The following PSAT1 variants were observed in gnomAD, a reference collection of about 807,000 sequenced individuals.
The protein encoded by PSAT1 is phosphoserine aminotransferase.
Under a neutral mutation model 40.3 loss-of-function variants are expected in PSAT1, and 41 were observed. The observed-to-expected ratio is 1.02, with a 90% CI of 0.79 to 1.32. PSAT1 has a LOEUF of 1.32. Among genes scored for constraint, PSAT1 ranks in the 40% most tolerant of loss-of-function variants. PSAT1 has a pLI of 0.00. For synonymous variants in PSAT1, 147 were observed against 170.5 expected (o/e 0.86, Z 1.07); for missense variants, 406 against 455.8 (o/e 0.89, Z 0.99).
chr9:78,326,186 A>G (rs17064350), intron 7 of PSAT1, among the ~76,000 whole-genome samples: 3,466 of 152,232 alleles, frequency 0.023, 132 homozygotes, highest in African/African-American at 0.078. Context: ...CAAGAATTAC[A>G]GATGTGCCCT....
At chr9:78,328,443 A>G (rs573308331) in intron 8 of PSAT1, among the ~76,000 whole-genome samples, 1 of 152,212 alleles carries the variant, frequency 6.6e-6, no homozygotes, top group Admixed American at 6.5e-5. Flanking sequence ...AATCTCTTAC[A>G]CTGCTCGTAT....
intron 7 of PSAT1, among the ~76,000 whole-genome samples, chr9:78,327,027 C>T (rs1034323812): frequency 7.0e-6 from 1 of 141,942 alleles, no homozygotes; most frequent in Non-Finnish European, 1.5e-5. Context: ...ACAATCTTGG[C>T]TCACTGCAAT....
intron 7 of PSAT1, among the ~76,000 whole-genome samples, chr9:78,318,946 T>C (rs1828389334): frequency 6.6e-6 from 1 of 152,150 alleles, no homozygotes; most frequent in Non-Finnish European, 1.5e-5. Context: ...CTTTTCCCTT[T>C]CCCTTAAGGT....
intron 3 of PSAT1, among the ~76,000 whole-genome samples, chr9:78,303,118 A>G (rs1828132403): frequency 6.6e-6 from 1 of 152,202 alleles, no homozygotes; most frequent in Non-Finnish European, 1.5e-5. Context: ...CCCACTAATC[A>G]GGGATAATCA....
chr9:78,297,391 T>C, intron 1 of PSAT1, 121 bp downstream of exon 1: 1 of 1,182,934 alleles, frequency 8.5e-7, no homozygotes, highest in Non-Finnish European at 1.2e-6. Context: ...CCCTAGGCGC[T>C]TTGCATCAGC....
At chr9:78,326,434 C>T (rs531763244) in intron 7 of PSAT1, among the ~76,000 whole-genome samples, 7 of 151,998 alleles carry the variant, frequency 4.6e-5, no homozygotes, top group South Asian at 2.1e-4. Context: ...AAGTCAAACA[C>T]GAACCTTTCC....
At chr9:78,306,625 G>A in intron 5 of PSAT1, 139 bp downstream of exon 5, 1 of 1,080,878 alleles carries the variant, frequency 9.3e-7, no homozygotes, top group Non-Finnish European at 1.4e-6. Context: ...CCAGTGAGCA[G>A]GCTGCCAGGT....
At position 78,329,750 on chromosome 9, in the gene PSAT1, A is replaced by G. The variant is rs41277903; in HGVS notation, c.*664A>G. 1,077 of 152,456 alleles carry G rather than the reference A, an allele frequency of 7.1e-3. 10 individuals carry two copies. Among genetic ancestry groups the G allele is most frequent in the Non-Finnish European group, 0.012 (836 of 68,132 alleles). The allele number at this position is 152,456 out of a possible 1,614,324, so 9.4% of individuals were successfully genotyped here. ...ACTTTTAGAATTTATTAAATCCTTG[A>G]CCTTGTGCATTATAGCATTCCATTA... On this transcript the variant is annotated 3_prime_UTR_variant, in exon 9 of 9. Transcript: ENST00000376588.
rs377546355 is a variant in PSAT1, at chr9:78,329,105, A to G, written c.*19A>G. 6.5e-7 allele frequency: 1 copy of G among 1,532,016 alleles called. No individual in the cohort carries two copies. The highest frequency in any genetic ancestry group is 1.4e-5 in the African/African-American group (1 of 73,172). 94.9% of individuals were successfully genotyped at this position (1,532,016 alleles called of 1,614,324 possible). On this transcript the variant is annotated 3_prime_UTR_variant, in exon 9 of 9. Coordinates refer to ENST00000376588, the MANE Select transcript of PSAT1 (RefSeq NM_058179.4). ...GCTATGAACACATCCTAACCAGGAT[A>G]TACTCTGTTCTTGAACAACATACAA...
At chr9:78,298,888 T>C (rs974516064) in intron 1 of PSAT1, among the ~76,000 whole-genome samples, 3 of 152,074 alleles carry the variant, frequency 2.0e-5, no homozygotes, top group African/African-American at 7.2e-5. Context: ...GTAACAAAAA[T>C]AAATGCCTTA....
intron 6 of PSAT1, among the ~76,000 whole-genome samples, chr9:78,310,787 T>C (rs12342174): frequency 0.14 from 20,606 of 151,978 alleles, 1,858 homozygotes; most frequent in East Asian, 0.43. Context: ...TTCGTATTTT[T>C]AGTAGAGACG....
intron 4 of PSAT1, 101 bp from the exon 5 acceptor site, chr9:78,306,213 C>T: frequency 7.7e-7 from 1 of 1,292,062 alleles, no homozygotes; most frequent in Non-Finnish European, 1.1e-6. Flanking sequence ...GTTAGTCTTT[C>T]CCTGCTAGGG....
intron 8 of PSAT1, among the ~76,000 whole-genome samples, chr9:78,328,637 G>A (rs1028989902): frequency 6.6e-6 from 1 of 151,728 alleles, no homozygotes; most frequent in Non-Finnish European, 1.5e-5. Context: ...GCCCAGCCCC[G>A]ATCTTGCTGG....
intron 6 of PSAT1, among the ~76,000 whole-genome samples, chr9:78,311,295 C>T (rs1828264001): frequency 6.6e-6 from 1 of 152,106 alleles, no homozygotes; most frequent in Non-Finnish European, 1.5e-5. Flanking sequence ...AGGAGGCTGT[C>T]CTTACCTGTT....
chr9:78,317,335 C>T (rs1163463448), intron 6 of PSAT1, among the ~76,000 whole-genome samples: 1 of 152,144 alleles, frequency 6.6e-6, no homozygotes, highest in Non-Finnish European at 1.5e-5. Context: ...TCACTGCAGC[C>T]TCGAACCCCT....
At chr9:78,324,596 A>G (rs1253882890) in intron 7 of PSAT1, among the ~76,000 whole-genome samples, 3 of 152,232 alleles carry the variant, frequency 2.0e-5, no homozygotes, top group Non-Finnish European at 4.4e-5. Context: ...TCCAGCCCAC[A>G]GTGGTGCTTG....
chr9:78,326,676 G>C (rs1351547638), intron 7 of PSAT1, among the ~76,000 whole-genome samples: 1 of 151,850 alleles, frequency 6.6e-6, no homozygotes, highest in African/African-American at 2.4e-5. Flanking sequence ...CTGCATCATA[G>C]AACACCTTAA....
At chr9:78,326,421 C>T (rs563104278) in intron 7 of PSAT1, among the ~76,000 whole-genome samples, 1 of 151,988 alleles carries the variant, frequency 6.6e-6, no homozygotes, top group Non-Finnish European at 1.5e-5. Flanking sequence ...AAAGCAGAAA[C>T]TGAAGTCAAA....
chr9:78,313,368 A>G (rs1018637065), intron 6 of PSAT1, among the ~76,000 whole-genome samples: 1 of 152,100 alleles, frequency 6.6e-6, no homozygotes, highest in African/African-American at 2.4e-5. Flanking sequence ...GCCTCAAAAA[A>G]CAAACAAAGA....
Sources: allele counts gnomAD v4.1 joint callset (sites outside exome capture counted in the v4.1 genomes callset), GRCh38; gene constraint gnomAD v4.1.1; transcripts MANE v1.5; gene names NCBI Gene and HGNC (gene_info 2026-07-23, HGNC 2026-07-21).